The following GRB10 variants were observed in gnomAD, a reference collection of about 807,000 sequenced individuals.
GRB10 encodes growth factor receptor bound protein 10, also known as growth factor receptor-bound protein 10.
A neutral mutation model predicts 80.9 loss-of-function variants in GRB10; 20 were observed. That is an observed-to-expected ratio of 0.25 (90% CI 0.17 to 0.36). GRB10 has a LOEUF of 0.36. Ranked by LOEUF, GRB10 falls within the 10% of genes least tolerant of loss-of-function variation. The pLI, the probability that GRB10 is intolerant of heterozygous loss-of-function variation, is 1.00. For synonymous variants in GRB10, 291 were observed against 291.5 expected (o/e 1.00, Z 0.02); for missense variants, 548 against 747.7 (o/e 0.73, Z 3.12).
At chr7:50,720,447 C>T (rs920090061) in intron 4 of GRB10, among the ~76,000 whole-genome samples, 7 of 152,098 alleles carry the variant, frequency 4.6e-5, no homozygotes, top group Non-Finnish European at 8.8e-5. Context: ...TGTCGAGACT[C>T]ATAACCGGTG....
chr7:50,793,311 G>A (rs2079014278), exon 1 of GRB10: 1 of 145,978 alleles, frequency 6.9e-6, no homozygotes, highest in South Asian at 2.1e-4. Flanking sequence ...CGCGGGGCGA[G>A]GCCGGCGCTC....
intron 2 of GRB10, among the ~76,000 whole-genome samples, chr7:50,763,359 T>C (rs897134255): frequency 3.9e-5 from 6 of 152,294 alleles, no homozygotes; most frequent in African/African-American, 1.4e-4. Context: ...TTAAAAGGAC[T>C]GGGACTACCC....
intron 3 of GRB10, among the ~76,000 whole-genome samples, chr7:50,748,364 G>A (rs780251035): frequency 5.9e-5 from 9 of 152,244 alleles, no homozygotes; most frequent in Non-Finnish European, 1.3e-4. Context: ...ATGGACACGA[G>A]TGGGCACCAC....
chr7:50,698,666 G>T (rs979829794), intron 5 of GRB10, among the ~76,000 whole-genome samples: 2 of 152,198 alleles, frequency 1.3e-5, no homozygotes, highest in African/African-American at 4.8e-5. Flanking sequence ...GTCTGGCCTT[G>T]AACTAACAAC....
intron 2 of GRB10, among the ~76,000 whole-genome samples, chr7:50,757,561 T>C (rs537387762): frequency 1.8e-4 from 27 of 152,356 alleles, no homozygotes; most frequent in Middle Eastern, 3.4e-3. Flanking sequence ...TGCAAAAGCA[T>C]TTTATTAAGG....
intron 7 of GRB10, among the ~76,000 whole-genome samples, chr7:50,661,955 A>C (rs2059325088): frequency 6.6e-6 from 1 of 152,220 alleles, no homozygotes; most frequent in South Asian, 2.1e-4. Flanking sequence ...GTTCTGCAAA[A>C]GCAACTCTCC....
intron 18 of GRB10, among the ~76,000 whole-genome samples, chr7:50,595,096 C>A (rs1172280839): frequency 6.6e-6 from 1 of 151,998 alleles, no homozygotes; most frequent in East Asian, 1.9e-4. Context: ...TTGATCCTTC[C>A]CATCAGTACC....
chr7:50,785,495 C>A (rs2078654638), upstream of GRB10, among the ~76,000 whole-genome samples: 1 of 152,242 alleles, frequency 6.6e-6, no homozygotes, highest in South Asian at 2.1e-4. Context: ...CCAGATGCAA[C>A]CCTGGCCCAT....
intron 7 of GRB10, among the ~76,000 whole-genome samples, chr7:50,652,030 C>T (rs528402783): frequency 5.1e-4 from 78 of 152,286 alleles, no homozygotes; most frequent in African/African-American, 1.7e-3. Context: ...TGTACTGTCC[C>T]CACTTGGAAG....
intron 2 of GRB10, among the ~76,000 whole-genome samples, chr7:50,767,509 C>T (rs533728702): frequency 6.6e-6 from 1 of 152,212 alleles, no homozygotes; most frequent in Non-Finnish European, 1.5e-5. Flanking sequence ...GGATGCTCCA[C>T]AGGAAGCAGA....
intron 7 of GRB10, among the ~76,000 whole-genome samples, chr7:50,628,751 C>T (rs1172745943): frequency 1.3e-5 from 2 of 152,192 alleles, no homozygotes; most frequent in African/African-American, 4.8e-5. Context: ...AGGGCTGGGG[C>T]TGGATCAGGA....
intron 5 of GRB10, among the ~76,000 whole-genome samples, chr7:50,697,725 G>GT (rs1297235956): frequency 5.3e-5 from 8 of 152,328 alleles, no homozygotes; most frequent in Admixed American, 2.6e-4. Context: ...AAAGCATCTC[G>GT]TTAAAAAGAA....
intron 3 of GRB10, among the ~76,000 whole-genome samples, chr7:50,749,256 G>A (rs2073701725): frequency 6.6e-6 from 1 of 151,678 alleles, no homozygotes; most frequent in East Asian, 1.9e-4. Context: ...AGCCTCCAGA[G>A]TAGCTGGGAT....
chr7:50,744,100 A>G lies in GRB10; in HGVS notation c.-46-11732T>C, dbSNP rs376325924. 3.9e-5 allele frequency among the ~76,000 whole-genome samples: 6 copies of G among 152,156 alleles called. No individual in the cohort carries two copies. In the South Asian group the frequency reaches 6.2e-4, roughly 16 times the overall value. On this transcript the variant is annotated intron_variant, in intron 3 of 18. Transcript: ENST00000401949. ...CCTGCTCTGTGGTAGGCATGTGCAG[A>G]GAAGAGGAACCCATGTGCACAATGA...
At chr7:50,670,019 G>GT (rs1437812324) in intron 6 of GRB10, among the ~76,000 whole-genome samples, 156 bp from the exon 7 acceptor site, 2 of 152,228 alleles carry the variant, frequency 1.3e-5, no homozygotes. Context: ...AAGCCAAAAA[G>GT]TAGAGGCATC....
chr7:50,619,939 T>C (rs567605150), intron 8 of GRB10, among the ~76,000 whole-genome samples: 2 of 151,910 alleles, frequency 1.3e-5, no homozygotes, highest in Admixed American at 6.5e-5. Flanking sequence ...CACACACACA[T>C]GCACGTACGC....
At chr7:50,777,555 C>A (rs138346382) in intron 2 of GRB10, among the ~76,000 whole-genome samples, 2 of 151,618 alleles carry the variant, frequency 1.3e-5, no homozygotes, top group Non-Finnish European at 2.9e-5. Flanking sequence ...TACCTCAATA[C>A]AGCTTTTTTT....
At chr7:50,700,990 T>C (rs1439033536) in intron 5 of GRB10, among the ~76,000 whole-genome samples, 2 of 152,238 alleles carry the variant, frequency 1.3e-5, no homozygotes, top group Non-Finnish European at 2.9e-5. Flanking sequence ...ACGAATTGAC[T>C]TGGAATTACT....
At chr7:50,681,961 C>G (rs1271130790) in intron 5 of GRB10, among the ~76,000 whole-genome samples, 1 of 152,132 alleles carries the variant, frequency 6.6e-6, no homozygotes, top group Non-Finnish European at 1.5e-5. Flanking sequence ...CTCTGAGCCC[C>G]GGGTTGATGA....
Sources: gnomAD v4.1 joint callset for allele counts (sites outside exome capture counted in the v4.1 genomes callset) on GRCh38, gnomAD v4.1.1 for gene constraint, MANE v1.5 for transcripts, NCBI Gene and HGNC (gene_info 2026-07-23, HGNC 2026-07-21) for gene names.